The following ATP2C2 variants were observed in gnomAD, a reference collection of about 807,000 sequenced individuals.
ATP2C2 encodes ATPase secretory pathway Ca2+ transporting 2, also known as calcium-transporting ATPase type 2C member 2.
ATP2C2 carries 171 observed loss-of-function variants against 110.8 expected under a neutral mutation model. That is an observed-to-expected ratio of 1.54 (90% CI 1.36 to 1.75). ATP2C2 has a LOEUF of 1.75. Ranked by LOEUF, ATP2C2 falls within the 40% of genes most tolerant of loss-of-function variation. The pLI, the probability that ATP2C2 is intolerant of heterozygous loss-of-function variation, is 0.00. For missense variants in ATP2C2, 1,963 were observed against 1,235.0 expected, an observed-to-expected ratio of 1.59 and a Z score of -8.84; for synonymous variants, 804 against 508.4, an observed-to-expected ratio of 1.58 and a Z score of -7.82.
chr16:84,444,758 A>G (rs750715717), intron 15 of ATP2C2, among the ~76,000 whole-genome samples: 67 of 152,228 alleles, frequency 4.4e-4, no homozygotes, highest in Admixed American at 1.2e-3. Context: ...GATGTGTTAT[A>G]ATTTTCCTTT....
intron 7 of ATP2C2, 50 bp downstream of exon 7, chr16:84,415,641 A>C (rs758680465): frequency 7.5e-6 from 11 of 1,468,126 alleles, no homozygotes; most frequent in Admixed American, 5.6e-5. Context: ...GAGCTGGTCA[A>C]GGAGCAGACA....
rs1597807611 is a variant in ATP2C2 at position 84,422,777 on chromosome 16, T to A, written c.843+80T>A. The A allele has an allele frequency of 6.4e-6, 9 of 1,414,008 alleles. No homozygotes were observed. The East Asian group carries it at 2.1e-4, about 32-fold the overall frequency. The allele number at this position is 1,414,008 out of a possible 1,614,324, so 87.6% of individuals were successfully genotyped here. On this transcript the variant is annotated intron_variant, in intron 9 of 26. Transcript: ENST00000262429. ...ATAGGCAAATAATACCAGCCTTGCC[T>A]ACTCCTTAGGAATGAGTGGCATGTG...
chr16:84,392,516 G>A (rs1329731341), intron 1 of ATP2C2, among the ~76,000 whole-genome samples: 2 of 152,148 alleles, frequency 1.3e-5, no homozygotes, highest in African/African-American at 2.4e-5. Flanking sequence ...AGGCTGGAGT[G>A]CAGTGGCGTG....
At chr16:84,408,757 G>A (rs1357586848) in intron 4 of ATP2C2, among the ~76,000 whole-genome samples, 3 of 151,956 alleles carry the variant, frequency 2.0e-5, no homozygotes, top group South Asian at 4.2e-4. Flanking sequence ...TTCCTTTCCC[G>A]TGACCCTGGG....
At chr16:84,412,561 T>TAA (rs1906469292) in intron 6 of ATP2C2, among the ~76,000 whole-genome samples, 1 of 146,158 alleles carries the variant, frequency 6.8e-6, no homozygotes, top group Admixed American at 6.8e-5. Flanking sequence ...TGTGTGTGTG[T>TAA]GTGTGTGTAT....
rs560216035 is a variant in ATP2C2, at chr16:84,419,272, A to C, written c.625-3118A>C. Among the ~76,000 whole-genome samples, 4 of 142,128 alleles carry C rather than the reference A, an allele frequency of 2.8e-5. No homozygotes were observed. The East Asian group carries it at 8.6e-4, about 31-fold the overall frequency. The allele number at this position is 142,128 out of a possible 152,430, so 93.2% of individuals were successfully genotyped here. ...GGGGCCATGCTCCTGCAGAGGCTCC[A>C]GGGGAGAAGCTGTTTCCTGGCCTTT... On this transcript the variant is annotated intron_variant, in intron 7 of 26. Transcript: ENST00000262429.
At chr16:84,460,156 A>G (rs928134887) in intron 23 of ATP2C2, 16 of 203,130 alleles carry the variant, frequency 7.9e-5, no homozygotes, top group Admixed American at 2.1e-4. Context: ...CTGGGAGCAG[A>G]AGTGGGACCA....
At chr16:84,437,299 T>G (rs1597833891) in intron 11 of ATP2C2, among the ~76,000 whole-genome samples, 2 of 152,066 alleles carry the variant, frequency 1.3e-5, no homozygotes, top group Non-Finnish European at 1.5e-5. Context: ...GCTCAAGTGA[T>G]CCTCCTACCT....
At chr16:84,404,930 G>C (rs565062241) in intron 2 of ATP2C2, 198 bp from the exon 3 acceptor site, 47 of 677,964 alleles carry the variant, frequency 6.9e-5, no homozygotes, top group South Asian at 4.9e-4. Context: ...AATTATAATG[G>C]TCACTGGCTT....
At chr16:84,378,669 C>T (rs899620439) in intron 1 of ATP2C2, among the ~76,000 whole-genome samples, 1 of 152,220 alleles carries the variant, frequency 6.6e-6, no homozygotes, top group South Asian at 2.1e-4. Context: ...ATGTGCTAGG[C>T]GCTGTGTCCA....
At chr16:84,414,422 C>A (rs1384965860) in intron 6 of ATP2C2, among the ~76,000 whole-genome samples, 2 of 152,174 alleles carry the variant, frequency 1.3e-5, no homozygotes, top group African/African-American at 2.4e-5. Context: ...GCCACAGCTC[C>A]TTGCATCACA....
intron 16 of ATP2C2, among the ~76,000 whole-genome samples, chr16:84,447,173 A>C (rs564954114): frequency 1.2e-3 from 180 of 152,090 alleles, no homozygotes; most frequent in Non-Finnish European, 2.3e-3. Context: ...TCTAGAATCT[A>C]TCATGTCTGC....
intron 15 of ATP2C2, among the ~76,000 whole-genome samples, chr16:84,444,875 C>T (rs1182297512): frequency 6.6e-6 from 1 of 152,210 alleles, no homozygotes; most frequent in African/African-American, 2.4e-5. Context: ...GTGGTTCTTA[C>T]CTGTCTCACC....
intron 17 of ATP2C2, among the ~76,000 whole-genome samples, chr16:84,449,282 T>C (rs1910039242): frequency 6.6e-6 from 1 of 152,176 alleles, no homozygotes; most frequent in African/African-American, 2.4e-5. Flanking sequence ...ACAGAGTTTG[T>C]AGGTTGCTGG....
intron 1 of ATP2C2, among the ~76,000 whole-genome samples, chr16:84,384,609 G>C (rs1904297189): frequency 1.3e-5 from 2 of 152,184 alleles, no homozygotes; most frequent in African/African-American, 4.8e-5. Flanking sequence ...TGTTGAGACT[G>C]TGTCAGTATC....
chr16:84,380,766 T>C (rs1296895824), intron 1 of ATP2C2, among the ~76,000 whole-genome samples: 1 of 152,234 alleles, frequency 6.6e-6, no homozygotes. Flanking sequence ...TAACTAAGTG[T>C]ACATACATCG....
chr16:84,398,412 A>G, intron 1 of ATP2C2, 87 bp from the exon 2 acceptor site: 1 of 801,098 alleles, frequency 1.2e-6, no homozygotes, highest in East Asian at 3.4e-5. Flanking sequence ...TCTCAAAAAA[A>G]TAAACTAATA....
At chr16:84,436,744 C>G (rs766776770) in intron 11 of ATP2C2, among the ~76,000 whole-genome samples, 4 of 149,664 alleles carry the variant, frequency 2.7e-5, no homozygotes, top group Admixed American at 2.0e-4. Context: ...CCTCCCCCTC[C>G]CCATCGCCAG....
At chr16:84,387,746 C>G (rs112131527) in intron 1 of ATP2C2, among the ~76,000 whole-genome samples, 45 of 152,070 alleles carry the variant, frequency 3.0e-4, no homozygotes, top group African/African-American at 1.0e-3. Flanking sequence ...GTGCGTCTCC[C>G]AAGACAGCCC....
Sources: allele counts gnomAD v4.1 joint callset (sites outside exome capture counted in the v4.1 genomes callset), GRCh38; gene constraint gnomAD v4.1.1; transcripts MANE v1.5; gene names NCBI Gene and HGNC (gene_info 2026-07-23, HGNC 2026-07-21).